Variants in DTD1 observed in about 807,000 individuals in gnomAD.
The protein encoded by DTD1 is D-aminoacyl-tRNA deacylase 1.
Under a neutral mutation model 25.6 loss-of-function variants are expected in DTD1, and 13 were observed. That is an observed-to-expected ratio of 0.51 (90% confidence interval 0.33 to 0.81). The LOEUF is 0.81. Among genes scored for constraint, DTD1 ranks in the 30% least tolerant of loss-of-function variants. DTD1 has a pLI of 0.02. For synonymous variants in DTD1, 110 were observed against 103.6 expected (o/e 1.06, Z -0.37); for missense variants, 193 against 266.4 (o/e 0.72, Z 1.92).
intron 4 of DTD1, among the ~76,000 whole-genome samples, chr20:18,637,414 C>T (rs1418297296): frequency 1.3e-5 from 2 of 152,180 alleles, no homozygotes; most frequent in Non-Finnish European, 2.9e-5. Flanking sequence ...ATCAGCCGCT[C>T]TACTGGGTGA....
intron 3 of DTD1, among the ~76,000 whole-genome samples, chr20:18,609,799 C>T (rs1253060964): frequency 2.0e-5 from 3 of 152,174 alleles, no homozygotes; most frequent in Non-Finnish European, 4.4e-5. Context: ...ATAGATTTGC[C>T]TCTCCTGGAA....
At chr20:18,759,066 T>G (rs1215614572) in intron 5 of DTD1, among the ~76,000 whole-genome samples, 2 of 151,456 alleles carry the variant, frequency 1.3e-5, no homozygotes, top group East Asian at 3.9e-4. Flanking sequence ...ACCCCTGCCT[T>G]TTTTTGTTTT....
At chr20:18,644,141 C>T (rs2060841422) in intron 4 of DTD1, among the ~76,000 whole-genome samples, 1 of 151,926 alleles carries the variant, frequency 6.6e-6, no homozygotes, top group Non-Finnish European at 1.5e-5. Flanking sequence ...TTTTTTACAT[C>T]TCCTTTTGTG....
At chr20:18,607,254 C>T (rs1210576430) in intron 3 of DTD1, among the ~76,000 whole-genome samples, 5 of 152,006 alleles carry the variant, frequency 3.3e-5, no homozygotes, top group South Asian at 4.2e-4. Flanking sequence ...CTCTGCCTTC[C>T]GGGTTCAAAC....
At chr20:18,611,736 G>GT (rs2060687330) in intron 3 of DTD1, among the ~76,000 whole-genome samples, 1 of 152,028 alleles carries the variant, frequency 6.6e-6, no homozygotes, top group Admixed American at 6.6e-5. Flanking sequence ...CGTTCCTGTT[G>GT]TTTTATGGCC....
At position 18,763,596 on chromosome 20, in the gene DTD1, G is replaced by T. The variant is rs539511253; in HGVS notation, c.*256G>T. On this transcript the variant is annotated 3_prime_UTR_variant, in exon 6 of 6. Coordinates refer to ENST00000377452, the MANE Select transcript of DTD1 (RefSeq NM_080820.6). ...GGGGCGGGTGCGCATGTGGTAGAAG[G>T]TGTGCGCTCGTGCCTCCCCCACAGA... The T allele has an allele frequency of 4.6e-5, 7 of 152,824 alleles. No individual in the cohort carries two copies. The highest frequency in any genetic ancestry group is 1.7e-4 in the African/African-American group (7 of 41,590). The allele number at this position is 152,824 out of a possible 1,614,324, so 9.5% of individuals were successfully genotyped here.
chr20:18,645,081 T>C (rs2060845576), intron 4 of DTD1, among the ~76,000 whole-genome samples: 2 of 152,000 alleles, frequency 1.3e-5, no homozygotes, highest in Admixed American at 1.3e-4. Flanking sequence ...ACCCAGGGGG[T>C]TGAGGCCACA....
intron 4 of DTD1, among the ~76,000 whole-genome samples, chr20:18,664,902 T>C (rs1600352131): frequency 6.6e-6 from 1 of 151,952 alleles, no homozygotes; most frequent in East Asian, 1.9e-4. Flanking sequence ...TTCCCCCACC[T>C]CTTCCTTAAG....
chr20:18,610,462 A>G (rs2060682084), intron 3 of DTD1, among the ~76,000 whole-genome samples: 1 of 152,262 alleles, frequency 6.6e-6, no homozygotes, highest in African/African-American at 2.4e-5. Context: ...AAATAATTTT[A>G]TAATGGATCA....
chr20:18,625,425 G>A (rs2060753539), intron 3 of DTD1, among the ~76,000 whole-genome samples: 2 of 152,202 alleles, frequency 1.3e-5, no homozygotes, highest in South Asian at 2.1e-4. Flanking sequence ...TGAGCCAGGC[G>A]TCTGCTGCTG....
In DTD1 at chr20:18,765,920, C is replaced by G. The variant is rs2061377600; in HGVS notation, c.*2580C>G. 1 of 152,268 alleles carries G rather than the reference C, an allele frequency of 6.6e-6. No individual in the cohort carries two copies. The highest frequency in any genetic ancestry group is 2.1e-4 in the South Asian group (1 of 4,836). The allele number at this position is 152,268 out of a possible 1,614,324, so 9.4% of individuals were successfully genotyped here. On this transcript the variant is annotated 3_prime_UTR_variant, in exon 6 of 6. Transcript: ENST00000377452. Reference sequence around the variant, plus strand: ...TTTTCTGAGAAGCCTTGGCAGATCACAGACCCAGGACTTTAAACAGAGTGC... The same window carrying G: ...TTTTCTGAGAAGCCTTGGCAGATCAGAGACCCAGGACTTTAAACAGAGTGC...
chr20:18,597,512 A>G (rs893063126), intron 3 of DTD1, among the ~76,000 whole-genome samples: 1 of 152,210 alleles, frequency 6.6e-6, no homozygotes, highest in African/African-American at 2.4e-5. Context: ...CATCAACAGT[A>G]CTAGCCTACT....
At chr20:18,737,849 G>A (rs1482453463) in intron 4 of DTD1, among the ~76,000 whole-genome samples, 1 of 152,198 alleles carries the variant, frequency 6.6e-6, no homozygotes, top group Non-Finnish European at 1.5e-5. Context: ...GCTGGACCAA[G>A]GTTAGGACCA....
intron 5 of DTD1, among the ~76,000 whole-genome samples, chr20:18,759,025 A>T (rs2061350457): frequency 6.6e-6 from 1 of 152,132 alleles, no homozygotes; most frequent in Non-Finnish European, 1.5e-5. Context: ...TTGTTGGTTT[A>T]AAGTGTGTTT....
chr20:18,682,137 G>T (rs1405060790), intron 4 of DTD1, among the ~76,000 whole-genome samples: 2 of 152,174 alleles, frequency 1.3e-5, no homozygotes. Flanking sequence ...ATTTTAAAAA[G>T]AAGTATAATT....
chr20:18,659,874 A>G (rs1372325953), intron 4 of DTD1, among the ~76,000 whole-genome samples: 14 of 152,156 alleles, frequency 9.2e-5, no homozygotes, highest in Non-Finnish European at 2.1e-4. Flanking sequence ...TACCTATGTT[A>G]GCAAACCTGC....
Position 18,745,450 on chromosome 20 carries a change from G to A in DTD1, c.*19+1179G>A, listed in dbSNP as rs184583188. ...GTCACAGGCTCAGGGAGAAGCATAG[G>A]AACAGTTATACTACAGCACGGTGCG... is the stretch of plus-strand genomic sequence containing the variant. On this transcript the variant is annotated intron_variant, in intron 5 of 5. Coordinates refer to ENST00000377452, the MANE Select transcript of DTD1 (RefSeq NM_080820.6). Among the ~76,000 whole-genome samples the A allele has an allele frequency of 7.9e-5, 12 of 152,316 alleles. No homozygotes were observed. The East Asian group carries it at 2.3e-3, about 29-fold the overall frequency.
chr20:18,698,314 C>T (rs1192729958), intron 4 of DTD1: 3 of 152,202 alleles, frequency 2.0e-5, no homozygotes, highest in Non-Finnish European at 4.4e-5. Context: ...TCAGTGGACA[C>T]CCAGGATGGC....
At chr20:18,588,500 C>T (rs2060575373) in intron 1 of DTD1, among the ~76,000 whole-genome samples, 1 of 152,248 alleles carries the variant, frequency 6.6e-6, no homozygotes, top group Admixed American at 6.5e-5. Flanking sequence ...GGAGCAGGCA[C>T]TCCTCCCTTT....
Sources: gnomAD v4.1 joint callset for allele counts (sites outside exome capture counted in the v4.1 genomes callset) on GRCh38, gnomAD v4.1.1 for gene constraint, MANE v1.5 for transcripts, NCBI Gene and HGNC (gene_info 2026-07-23, HGNC 2026-07-21) for gene names.